MAPKAP1: variants seen among roughly 807,000 people sequenced by gnomAD.
MAPKAP1 encodes the protein target of rapamycin complex 2 subunit MAPKAP1.
A neutral mutation model predicts 65.7 loss-of-function variants in MAPKAP1; 20 were observed. The ratio of observed to expected loss-of-function variants is 0.30; its 90% CI spans 0.21 to 0.44. The LOEUF (loss-of-function observed/expected upper bound fraction) is 0.44. Among genes scored for constraint, MAPKAP1 ranks in the 20% least tolerant of loss-of-function variants. The probability of loss-of-function intolerance (pLI) is 1.00; values close to 1 mark genes in which losing one functional copy is unlikely to be tolerated. For missense variants in MAPKAP1, 423 were observed against 648.0 expected (o/e 0.65, Z 3.77); for synonymous variants, 222 against 244.3 (o/e 0.91, Z 0.85).
chr9:125,580,453 G>GC (rs36147924), intron 5 of MAPKAP1, among the ~76,000 whole-genome samples: 45,372 of 149,306 alleles, frequency 0.3, 7,899 homozygotes, highest in Middle Eastern at 0.4. Flanking sequence ...TCCAAACACC[G>GC]CAAGTTCTCA....
chr9:125,601,013 GT>G (rs1294507237), intron 4 of MAPKAP1, among the ~76,000 whole-genome samples: 7 of 151,692 alleles, frequency 4.6e-5, no homozygotes, highest in Middle Eastern at 3.4e-3. Context: ...GTAAAAATTG[GT>G]TTTTTTTAAA....
In MAPKAP1 at chr9:125,439,717, G is replaced by C. The variant is rs562704590; in HGVS notation, c.1444-705C>G. On this transcript the variant is annotated intron_variant, in intron 11 of 11. Transcript: ENST00000265960. This position sits in a 1 kb window ranked among gnomAD's most constrained non-coding sequence, Gnocchi z 4.0. ...TCCACGAAGCCCTGGGAGTCTGCCCGGAGTCGCATGTGCATCTTCCACTCT... is the reference window on the plus strand; with the variant it reads ...TCCACGAAGCCCTGGGAGTCTGCCCCGAGTCGCATGTGCATCTTCCACTCT... Among the ~76,000 whole-genome samples, 1 of 152,160 alleles carries C rather than the reference G, an allele frequency of 6.6e-6. No individual in the cohort carries two copies. The highest frequency in any genetic ancestry group is 1.5e-5 in the Non-Finnish European group (1 of 68,042).
At chr9:125,461,776 C>T (rs913695307) in intron 10 of MAPKAP1, among the ~76,000 whole-genome samples, 2 of 152,198 alleles carry the variant, frequency 1.3e-5, no homozygotes, top group Non-Finnish European at 1.5e-5. Flanking sequence ...AAAAACACAA[C>T]ATAACGTGTC....
chr9:125,691,679 G>A (rs1335330928), intron 1 of MAPKAP1, among the ~76,000 whole-genome samples: 2 of 151,464 alleles, frequency 1.3e-5, no homozygotes, highest in Admixed American at 6.6e-5. Context: ...AAAAACAGAA[G>A]CTGGAAAAAA....
chr9:125,470,599 C>T (rs770505348), intron 9 of MAPKAP1, among the ~76,000 whole-genome samples: 1 of 152,214 alleles, frequency 6.6e-6, no homozygotes, highest in Non-Finnish European at 1.5e-5. Context: ...TCATCCATTA[C>T]CAGCAGTATC....
intron 4 of MAPKAP1, among the ~76,000 whole-genome samples, chr9:125,605,450 G>T (rs1329119570): frequency 6.6e-6 from 1 of 152,010 alleles, no homozygotes; most frequent in Non-Finnish European, 1.5e-5. Flanking sequence ...TTAAAATATG[G>T]GTTTTATGGC....
At chr9:125,598,588 A>G (rs1401492450) in intron 4 of MAPKAP1, among the ~76,000 whole-genome samples, 1 of 152,226 alleles carries the variant, frequency 6.6e-6, no homozygotes, top group Non-Finnish European at 1.5e-5. Flanking sequence ...GATTAAGAGC[A>G]CAAGTCGGGG....
chr9:125,512,784 C>T (rs1829341267), intron 7 of MAPKAP1: 1 of 152,158 alleles, frequency 6.6e-6, no homozygotes, highest in Admixed American at 6.5e-5. Context: ...GGGGTTTCAC[C>T]ATGTTAGCCA....
chr9:125,473,563 T>A (rs772430801), intron 9 of MAPKAP1, among the ~76,000 whole-genome samples: 6 of 152,232 alleles, frequency 3.9e-5, no homozygotes, highest in South Asian at 2.1e-4. Context: ...CTAATGTGTA[T>A]ACAGCTCTCT....
At chr9:125,655,723 T>C (rs1473407769) in intron 4 of MAPKAP1, among the ~76,000 whole-genome samples, 1 of 152,328 alleles carries the variant, frequency 6.6e-6, no homozygotes, top group African/African-American at 2.4e-5. Flanking sequence ...AATTGTAATA[T>C]GTAAGATAAT....
Position 125,647,849 on chromosome 9 carries a change from A to G in MAPKAP1, c.498+9802T>C, listed in dbSNP as rs146352852. ...TGAACGAATCCACTCTGCACACCAG[A>G]AAAATCAATGGAAATAAACAAACAT... is the stretch of plus-strand genomic sequence containing the variant. On this transcript the variant is annotated intron_variant, in intron 4 of 11. Coordinates refer to ENST00000265960, the MANE Select transcript of MAPKAP1 (RefSeq NM_001006617.3). Among the ~76,000 whole-genome samples the G allele has an allele frequency of 3.1e-3, 470 of 152,282 alleles. 2 individuals are homozygous for G. The highest frequency in any genetic ancestry group is 4.5e-3 in the African/African-American group (187 of 41,556).
At chr9:125,563,702 G>GTATTATTAT (rs113809428) in intron 5 of MAPKAP1, among the ~76,000 whole-genome samples, 96 of 112,414 alleles carry the variant, frequency 8.5e-4, no homozygotes, top group South Asian at 2.2e-3. Context: ...AAAGCAAAGG[G>GTATTATTAT]TATTATTATT....
chr9:125,510,143 G>A (rs1278199776), intron 7 of MAPKAP1, among the ~76,000 whole-genome samples: 1 of 152,174 alleles, frequency 6.6e-6, no homozygotes, highest in African/African-American at 2.4e-5. Context: ...TGGGATGCTG[G>A]TGAAGTAACT....
At position 125,657,776 on chromosome 9, in the gene MAPKAP1, C is replaced by T; in HGVS notation, c.373G>A (p.Glu125Lys). ...GGCTTCTCTTTGAGAGATTTTTTTT[C>T]AAACAGTGACTTTAACTCCTGGGCT... ...QSAQELKSLF[E>K]KKSLKEKPPI... Residue 125 changes from glutamate (E) to lysine (K), a missense_variant, in exon 4 of 12, where the codon GAA becomes AAA. Glu to Lys is a moderately conservative substitution (Grantham distance 56). Transcript: ENST00000265960. The T allele has an allele frequency of 6.2e-7, 1 of 1,613,550 alleles. No homozygotes were observed. Among genetic ancestry groups the T allele is most frequent in the South Asian group, 1.1e-5 (1 of 91,056 alleles).
rs371160849 is a variant in MAPKAP1 at position 125,460,146 on chromosome 9, GA to G, written c.1345+7825del. Among the ~76,000 whole-genome samples the G allele has an allele frequency of 5.0e-3, 766 of 152,156 alleles. 5 individuals carry two copies. Among genetic ancestry groups the G allele is most frequent in the African/African-American group, 0.017 (723 of 41,494 alleles). ...GGATCTCTTCTGATATTAAAATCAAGAAAGAATGAATTTGAGAAAATGGTAA... is the reference window on the plus strand; with the variant it reads ...GGATCTCTTCTGATATTAAAATCAAGAAGAATGAATTTGAGAAAATGGTAA... On this transcript the variant is annotated intron_variant, in intron 10 of 11. Coordinates refer to ENST00000265960, the MANE Select transcript of MAPKAP1 (RefSeq NM_001006617.3).
intron 10 of MAPKAP1, among the ~76,000 whole-genome samples, chr9:125,448,056 G>A (rs774667747): frequency 3.9e-5 from 6 of 152,220 alleles, no homozygotes; most frequent in Non-Finnish European, 7.3e-5. Flanking sequence ...AGCAGGGCAA[G>A]TGAAAGAAAT....
At chr9:125,548,982 CCA>C (rs1319009617) in intron 6 of MAPKAP1, among the ~76,000 whole-genome samples, 1 of 152,144 alleles carries the variant, frequency 6.6e-6, no homozygotes, top group Non-Finnish European at 1.5e-5. Context: ...AGCTAGACTC[CCA>C]AGTCTGTGTT....
intron 4 of MAPKAP1, among the ~76,000 whole-genome samples, chr9:125,636,125 C>T (rs565625517): frequency 1.9e-4 from 29 of 152,316 alleles, no homozygotes; most frequent in African/African-American, 5.5e-4. Flanking sequence ...AGTCTTCCTC[C>T]ACCACTGATT....
intron 7 of MAPKAP1, among the ~76,000 whole-genome samples, chr9:125,518,905 G>A (rs1829540503): frequency 6.6e-6 from 1 of 152,158 alleles, no homozygotes; most frequent in African/African-American, 2.4e-5. Context: ...AGTAACCTGT[G>A]GGGTAGAGGA....
Sources: gnomAD v4.1 joint callset for allele counts (sites outside exome capture counted in the v4.1 genomes callset) on GRCh38, gnomAD v4.1.1 for gene constraint, Gnocchi (gnomAD v3.1) non-coding constraint, MANE v1.5 for transcripts, NCBI Gene and HGNC (gene_info 2026-07-23, HGNC 2026-07-21) for gene names.